The following INSYN2B variants were observed in gnomAD, a reference collection of about 807,000 sequenced individuals.
INSYN2B encodes inhibitory synaptic factor family member 2B, also known as protein INSYN2B.
Under a neutral mutation model 41.2 loss-of-function variants are expected in INSYN2B, and 16 were observed. The observed-to-expected ratio is 0.39, with a 90% CI of 0.26 to 0.59. The LOEUF (loss-of-function observed/expected upper bound fraction) is 0.59. INSYN2B is among the 20% of genes least tolerant of loss of function. The probability of loss-of-function intolerance (pLI) is 0.57; values close to 1 mark genes in which losing one functional copy is unlikely to be tolerated. For synonymous variants in INSYN2B, 245 were observed against 244.4 expected, an observed-to-expected ratio of 1.00 and a Z score of -0.02; for missense variants, 608 against 646.4, an observed-to-expected ratio of 0.94 and a Z score of 0.64.
At chr5:169,968,136 G>T (rs1208084453) in intron 1 of INSYN2B, among the ~76,000 whole-genome samples, 3 of 152,166 alleles carry the variant, frequency 2.0e-5, no homozygotes, top group African/African-American at 7.2e-5. Flanking sequence ...TCCCAAAGCT[G>T]ACAACACTTT....
rs146431338 is a variant in INSYN2B at position 169,942,725 on chromosome 5, T to C, written c.-919+37552A>G. ...AGGACACAGCTCCTGCCCTCCACAT[T>C]GGTCGGAGAGACCACGAGGGTTCAG... On this transcript the variant is annotated intron_variant, in intron 1 of 3. Coordinates refer to ENST00000377365, the MANE Select transcript of INSYN2B (RefSeq NM_001129891.3). 3.5e-3 allele frequency among the ~76,000 whole-genome samples: 530 copies of C among 152,216 alleles called. 5 individuals carry two copies. The South Asian group carries it at 0.043, about 12-fold the overall frequency.
At chr5:169,958,308 C>A (rs1195357572) in intron 1 of INSYN2B, among the ~76,000 whole-genome samples, 1 of 152,114 alleles carries the variant, frequency 6.6e-6, no homozygotes, top group African/African-American at 2.4e-5. Flanking sequence ...TAGATATGGT[C>A]TTTGCCTTCC....
At position 169,864,347 on chromosome 5, in the gene INSYN2B, G is replaced by A. The variant is rs1456976309; in HGVS notation, c.1534C>T (p.Pro512Ser). 1 of 1,551,566 alleles carries A rather than the reference G, an allele frequency of 6.4e-7. No homozygotes were observed. Among genetic ancestry groups the A allele is most frequent in the Non-Finnish European group, 8.7e-7 (1 of 1,146,922 alleles). The change falls in exon 4 of 4, where the codon CCC becomes TCC. Residue 512 changes from proline to serine, a missense_variant. By Grantham distance (74) the Pro-to-Ser change is moderately conservative (BLOSUM62 -1). Transcript: ENST00000377365. ...AAGTCCTGCTTTTCCGGGGCTGGGG[G>A]TTCTGCTGGGGACTTTGGTGGGGGC... ...ASPPPKSPAEPPAPEKQDLRR... is the reference protein window; with the variant it reads ...ASPPPKSPAESPAPEKQDLRR...
intron 1 of INSYN2B, among the ~76,000 whole-genome samples, chr5:169,891,390 G>A (rs261070): frequency 0.19 from 28,950 of 152,096 alleles, 4,376 homozygotes; most frequent in African/African-American, 0.42. Context: ...ATAGTTAGAG[G>A]CTTCAAGGAA....
chr5:169,896,455 G>C (rs370783856), intron 1 of INSYN2B, among the ~76,000 whole-genome samples: 1 of 152,066 alleles, frequency 6.6e-6, no homozygotes, highest in African/African-American at 2.4e-5. Context: ...AACCTCTCTG[G>C]GCTATGATTT....
intron 1 of INSYN2B, among the ~76,000 whole-genome samples, chr5:169,974,839 C>T (rs995650884): frequency 6.6e-6 from 1 of 150,544 alleles, no homozygotes; most frequent in African/African-American, 2.5e-5. Context: ...GACCCCCCTC[C>T]CCCCGACACA....
At chr5:169,960,230 C>T (rs996111089) in intron 1 of INSYN2B, among the ~76,000 whole-genome samples, 3 of 152,290 alleles carry the variant, frequency 2.0e-5, no homozygotes, top group African/African-American at 7.2e-5. Context: ...CTACAGAAAG[C>T]TGTGTATGCC....
chr5:169,917,747 A>G (rs1774954810), intron 1 of INSYN2B, among the ~76,000 whole-genome samples: 2 of 152,224 alleles, frequency 1.3e-5, no homozygotes. Context: ...ACATAATGTC[A>G]CACTCAGAAA....
At chr5:169,879,704 T>A (rs1772527881) in intron 3 of INSYN2B, among the ~76,000 whole-genome samples, 1 of 152,204 alleles carries the variant, frequency 6.6e-6, no homozygotes, top group South Asian at 2.1e-4. Flanking sequence ...ATATTGTCAC[T>A]TTTAATTCGG....
At chr5:169,888,313 G>T (rs1436049606) in intron 1 of INSYN2B, among the ~76,000 whole-genome samples, 1 of 152,146 alleles carries the variant, frequency 6.6e-6, no homozygotes, top group Non-Finnish European at 1.5e-5. Flanking sequence ...GGTGGTTAGG[G>T]CTAAATTAAT....
chr5:169,905,953 T>C (rs1217631514), intron 1 of INSYN2B, among the ~76,000 whole-genome samples: 1 of 152,222 alleles, frequency 6.6e-6, no homozygotes, highest in East Asian at 1.9e-4. Context: ...GTCTGTTGCC[T>C]TCGTTCAGAA....
intron 1 of INSYN2B, among the ~76,000 whole-genome samples, chr5:169,931,295 A>T (rs967324882): frequency 1.3e-5 from 2 of 152,236 alleles, no homozygotes; most frequent in Non-Finnish European, 2.9e-5. Context: ...TGACAAAGCC[A>T]TCAAAGTACA....
At chr5:169,969,506 T>C (rs1404183165) in intron 1 of INSYN2B, among the ~76,000 whole-genome samples, 3 of 152,210 alleles carry the variant, frequency 2.0e-5, no homozygotes, top group Non-Finnish European at 2.9e-5. Context: ...AGAGCATCCA[T>C]GGCTTTTGCA....
intron 1 of INSYN2B, among the ~76,000 whole-genome samples, chr5:169,903,611 C>T (rs1353365553): frequency 6.6e-6 from 1 of 152,036 alleles, no homozygotes; most frequent in East Asian, 1.9e-4. Context: ...GGTACAAAGG[C>T]CTCCAAGTAT....
intron 1 of INSYN2B, among the ~76,000 whole-genome samples, chr5:169,942,609 G>T (rs758889204): frequency 2.0e-5 from 3 of 152,208 alleles, no homozygotes; most frequent in Non-Finnish European, 4.4e-5. Flanking sequence ...CACCAAGATG[G>T]TGCTGGCTCT....
At chr5:169,919,739 G>A (rs571433784) in intron 1 of INSYN2B, among the ~76,000 whole-genome samples, 70 of 152,234 alleles carry the variant, frequency 4.6e-4, no homozygotes, top group Middle Eastern at 6.8e-3. Context: ...GAGTCCCCGC[G>A]AAACCTGCTA....
At chr5:169,936,658 C>G (rs1238348070) in intron 1 of INSYN2B, among the ~76,000 whole-genome samples, 1 of 142,296 alleles carries the variant, frequency 7.0e-6, no homozygotes, top group Non-Finnish European at 1.5e-5. Context: ...TGATCCATTA[C>G]AGAATCTAGC....
intron 1 of INSYN2B, among the ~76,000 whole-genome samples, chr5:169,903,564 G>A (rs1774083868): frequency 6.6e-6 from 1 of 152,002 alleles, no homozygotes; most frequent in Non-Finnish European, 1.5e-5. Context: ...GCACAAGTGG[G>A]GAGATGGGAG....
rs1325892230 is a variant in INSYN2B, at chr5:169,863,010, A to G, written c.*1263T>C. ...AGAGATTTTAATTCAACCAGAAGGA[A>G]TCTGAGCCTTTCCATCCTACCCCTC... is the stretch of plus-strand genomic sequence containing the variant. On this transcript the variant is annotated 3_prime_UTR_variant, in exon 4 of 4. Coordinates refer to ENST00000377365, the MANE Select transcript of INSYN2B (RefSeq NM_001129891.3). 6.6e-6 allele frequency among the ~76,000 whole-genome samples: 1 copy of G among 152,234 alleles called. No homozygotes were observed. The highest frequency in any genetic ancestry group is 6.5e-5 in the Admixed American group (1 of 15,284).
Sources: gnomAD v4.1 joint callset for allele counts (sites outside exome capture counted in the v4.1 genomes callset) on GRCh38, gnomAD v4.1.1 for gene constraint, MANE v1.5 for transcripts, NCBI Gene and HGNC (gene_info 2026-07-23, HGNC 2026-07-21) for gene names.